PHF24: variants seen among roughly 807,000 people sequenced by gnomAD.
PHF24 encodes PHD finger protein 24.
PHF24 carries 25 observed loss-of-function variants against 42.6 expected under a neutral mutation model. The ratio of observed to expected loss-of-function variants is 0.59; its 90% CI spans 0.43 to 0.82. PHF24 has a LOEUF of 0.82. Among genes scored for constraint, PHF24 ranks in the 40% least tolerant of loss-of-function variants. PHF24 has a pLI of 0.00. For missense variants in PHF24, 470 were observed against 538.1 expected (o/e 0.87, Z 1.25); for synonymous variants, 185 against 204.8 (o/e 0.90, Z 0.83).
the PHF24 span, among the ~76,000 whole-genome samples, chr9:34,931,579 C>T: frequency 1.8e-3 from 273 of 152,006 alleles, no homozygotes; most frequent in Middle Eastern, 3.4e-3. Context: ...TGAAATACAA[C>T]AAAAATAAAA....
At chr9:34,966,775 C>G (rs1826786878) in intron 1 of PHF24, among the ~76,000 whole-genome samples, 1 of 152,120 alleles carries the variant, frequency 6.6e-6, no homozygotes, top group Non-Finnish European at 1.5e-5. Flanking sequence ...AGTCATGGCA[C>G]ACTACAGACC....
the PHF24 span, among the ~76,000 whole-genome samples, chr9:34,681,680 G>A: frequency 6.6e-6 from 1 of 152,310 alleles, no homozygotes; most frequent in Admixed American, 6.5e-5. Flanking sequence ...GTGTGGTGGT[G>A]TGTACCTGTA....
the PHF24 span, among the ~76,000 whole-genome samples, chr9:34,677,772 CCTT>C: frequency 3.9e-5 from 6 of 152,302 alleles, no homozygotes; most frequent in Admixed American, 2.0e-4. Flanking sequence ...AATCCTCACT[CCTT>C]CTTGTGGCCT....
At chr9:34,837,417 A>G in the PHF24 span, 1 of 456,002 alleles carries the variant, frequency 2.2e-6, no homozygotes, top group Non-Finnish European at 4.0e-6. Flanking sequence ...AAACTAGCAA[A>G]TGACACAGCT....
chr9:34,941,541 T>C, the PHF24 span, among the ~76,000 whole-genome samples: 2 of 152,174 alleles, frequency 1.3e-5, no homozygotes, highest in African/African-American at 4.8e-5. Context: ...CACTGGCCCT[T>C]TGTCTCAGTC....
At chr9:34,837,595 CAGG>C in the PHF24 span, 1 of 1,327,580 alleles carries the variant, frequency 7.5e-7, no homozygotes, top group African/African-American at 1.5e-5. Context: ...CATAGAGGGA[CAGG>C]ATTCATAGGA....
the PHF24 span, among the ~76,000 whole-genome samples, chr9:34,711,480 G>A: frequency 1.3e-5 from 2 of 150,702 alleles, no homozygotes; most frequent in African/African-American, 4.9e-5. Flanking sequence ...CAATTCACCC[G>A]CCTTGGCCTC....
At chr9:34,909,118 G>T in the PHF24 span, among the ~76,000 whole-genome samples, 1 of 151,616 alleles carries the variant, frequency 6.6e-6, no homozygotes, top group Admixed American at 6.6e-5. Context: ...AAAGCGCTGG[G>T]ATTACAGGTG....
At chr9:34,699,826 G>A in the PHF24 span, among the ~76,000 whole-genome samples, 2 of 152,238 alleles carry the variant, frequency 1.3e-5, no homozygotes, top group African/African-American at 2.4e-5. Flanking sequence ...CTCTTGCAGA[G>A]TTGTTATGCT....
the PHF24 span, among the ~76,000 whole-genome samples, chr9:34,911,722 A>G: frequency 6.6e-6 from 1 of 152,220 alleles, no homozygotes; most frequent in Non-Finnish European, 1.5e-5. Flanking sequence ...TTAAAAAAAA[A>G]AAACTGTCCA....
exon 8 of PHF24, chr9:34,982,046 C>G (rs1827410226): frequency 6.6e-6 from 1 of 152,132 alleles, no homozygotes; most frequent in Admixed American, 6.5e-5. Flanking sequence ...AAAGCTTTTT[C>G]CTCTGGGCCA....
chr9:34,711,602 GC>G, the PHF24 span, among the ~76,000 whole-genome samples: 4 of 151,074 alleles, frequency 2.6e-5, no homozygotes, highest in African/African-American at 9.8e-5. Context: ...GAGTGCAGTG[GC>G]GTGATCTTGG....
At chr9:34,884,604 T>C in the PHF24 span, among the ~76,000 whole-genome samples, 4 of 152,162 alleles carry the variant, frequency 2.6e-5, no homozygotes, top group African/African-American at 9.7e-5. Context: ...TTTCTAGTCC[T>C]TCTAGACTTT....
chr9:34,979,936 A>C, exon 8 of PHF24: 1 of 152,234 alleles, frequency 6.6e-6, no homozygotes, highest in South Asian at 2.1e-4. Context: ...AAAACAAGAA[A>C]GCGCAGGACT....
the PHF24 span, among the ~76,000 whole-genome samples, chr9:34,787,277 G>C: frequency 3.3e-5 from 5 of 151,818 alleles, no homozygotes; most frequent in African/African-American, 1.2e-4. Context: ...GAGAGGAGCT[G>C]GCCTAGTTGA....
Position 34,964,546 on chromosome 9 carries a change from C to G in PHF24, c.-5+6145C>G, listed in dbSNP as rs538756158. 3.3e-5 allele frequency among the ~76,000 whole-genome samples: 5 copies of G among 152,282 alleles called. No individual in the cohort carries two copies. In the South Asian group the frequency reaches 1.0e-3, roughly 32 times the overall value. ...CTGGGAAATAGAGGCTCCCCAGCTT[C>G]CTTCCCCTTCCTTATTTCTCTATCA... is the stretch of plus-strand genomic sequence containing the variant. On this transcript the variant is annotated intron_variant, in intron 1 of 7. Coordinates refer to ENST00000242315, the Ensembl canonical transcript of PHF24.
At chr9:34,823,322 G>A in the PHF24 span, among the ~76,000 whole-genome samples, 3 of 151,988 alleles carry the variant, frequency 2.0e-5, no homozygotes, top group Non-Finnish European at 4.4e-5. Context: ...AACATGGCAG[G>A]GAAGAGGAAG....
At chr9:34,760,680 TG>T in the PHF24 span, among the ~76,000 whole-genome samples, 1 of 152,150 alleles carries the variant, frequency 6.6e-6, no homozygotes, top group South Asian at 2.1e-4. Context: ...CTCCTAGTCC[TG>T]CGACGTCTCG....
the PHF24 span, among the ~76,000 whole-genome samples, chr9:34,838,107 T>G: frequency 6.6e-6 from 1 of 152,238 alleles, no homozygotes; most frequent in Non-Finnish European, 1.5e-5. Flanking sequence ...CCATATCATC[T>G]AGGTCTCTAT....
Sources: gnomAD v4.1 joint callset for allele counts (sites outside exome capture counted in the v4.1 genomes callset) on GRCh38, gnomAD v4.1.1 for gene constraint, MANE v1.5 for transcripts, NCBI Gene and HGNC (gene_info 2026-07-23, HGNC 2026-07-21) for gene names.